CDH13: variants seen among roughly 807,000 people sequenced by gnomAD.
CDH13 encodes the protein cadherin 13, also known as cadherin-13.
In CDH13, 24 loss-of-function variants were observed where a neutral mutation model predicts 63.8. That is an observed-to-expected ratio of 0.38 (90% CI 0.27 to 0.53). The LOEUF is 0.53. Among genes scored for constraint, CDH13 ranks in the 20% least tolerant of loss-of-function variants. CDH13 has a pLI of 0.85. For missense variants in CDH13, 1,049 were observed against 903.1 expected (o/e 1.16, Z -2.07); for synonymous variants, 503 against 355.3 (o/e 1.42, Z -4.67).
chr16:83,256,076 C>T (rs1032358362), intron 5 of CDH13, among the ~76,000 whole-genome samples: 18 of 152,164 alleles, frequency 1.2e-4, no homozygotes, highest in Non-Finnish European at 4.4e-5. Flanking sequence ...TTTTGTCACC[C>T]AGGCTGAAGT....
intron 1 of CDH13, among the ~76,000 whole-genome samples, chr16:82,810,590 C>T (rs1196917336): frequency 6.6e-6 from 1 of 152,154 alleles, no homozygotes; most frequent in African/African-American, 2.4e-5. Context: ...AATTGGCTTA[C>T]TCCAGTCTGT....
chr16:83,087,270 A>G (rs1440097680), intron 3 of CDH13, among the ~76,000 whole-genome samples: 2 of 152,206 alleles, frequency 1.3e-5, no homozygotes, highest in South Asian at 2.1e-4. Flanking sequence ...TGGATGAACA[A>G]TGTTGGAAAA....
chr16:82,629,480 G>A (rs1461149452), intron 1 of CDH13, among the ~76,000 whole-genome samples: 2 of 152,166 alleles, frequency 1.3e-5, no homozygotes, highest in African/African-American at 2.4e-5. Flanking sequence ...AAAAAAGTGG[G>A]GAAAGTCTTC....
Position 83,203,844 on chromosome 16 carries a change from C to T in CDH13, c.484-13501C>T, listed in dbSNP as rs375200138. 6.6e-4 allele frequency among the ~76,000 whole-genome samples: 101 copies of T among 152,120 alleles called. No homozygotes were observed. In the South Asian group the frequency reaches 0.02, roughly 30 times the overall value. ...AGCAAGAGAGTAAGCATGTATAGTT[C>T]AACAGCATCCGAGGGCATGATTAAT... On this transcript the variant is annotated intron_variant, in intron 4 of 13. Transcript: ENST00000567109.
chr16:83,060,985 C>A (rs148156851), intron 3 of CDH13, among the ~76,000 whole-genome samples: 195 of 152,334 alleles, frequency 1.3e-3, no homozygotes, highest in African/African-American at 4.5e-3. Context: ...CACTCCTACA[C>A]TCCTGCAGAG....
intron 5 of CDH13, among the ~76,000 whole-genome samples, chr16:83,306,866 A>T (rs192324237): frequency 6.6e-6 from 1 of 152,344 alleles, no homozygotes; most frequent in Non-Finnish European, 1.5e-5. Flanking sequence ...ACCCAGTCTC[A>T]GGTATACTTA....
rs139132967 is a variant in CDH13, at chr16:82,923,368, G to A, written c.157+64895G>A. ...ACATTTGGTTTATAGTAAGGGTTCA[G>A]TACATAAGCATATTTACTGCTGTTA... is the stretch of plus-strand genomic sequence containing the variant. On this transcript the variant is annotated intron_variant, in intron 2 of 13. Coordinates refer to ENST00000567109, the MANE Select transcript of CDH13 (RefSeq NM_001257.5). 5.4e-4 allele frequency among the ~76,000 whole-genome samples: 83 copies of A among 152,322 alleles called. 1 individual carries two copies. Among genetic ancestry groups the A allele is most frequent in the African/African-American group, 1.8e-3 (74 of 41,578 alleles).
chr16:83,540,065 ATT>A (rs34129168), intron 7 of CDH13, among the ~76,000 whole-genome samples: 5,021 of 137,128 alleles, frequency 0.037, 113 homozygotes, highest in African/African-American at 0.075. Context: ...TTGTCAATAA[ATT>A]TTTTTTTTTT....
chr16:82,796,489 G>T (rs2036587877), intron 1 of CDH13, among the ~76,000 whole-genome samples: 1 of 152,176 alleles, frequency 6.6e-6, no homozygotes, highest in African/African-American at 2.4e-5. Context: ...AGGAGGACAG[G>T]GTGGACCCCA....
At position 83,132,900 on chromosome 16, in the gene CDH13, AC is replaced by A. The variant is rs2036121888; in HGVS notation, c.483+7400del. 2.0e-5 allele frequency among the ~76,000 whole-genome samples: 3 copies of A among 152,200 alleles called. No homozygotes were observed. In the South Asian group the frequency reaches 6.2e-4, roughly 32 times the overall value. ...ATTTCTACATTCAGCAGCCATAGCT[AC>A]ACATAAGCCTTTCCTATTTCCAAGT... On this transcript the variant is annotated intron_variant, in intron 4 of 13. Coordinates refer to ENST00000567109, the MANE Select transcript of CDH13 (RefSeq NM_001257.5).
At chr16:83,471,275 C>CTTT (rs34765413) in intron 6 of CDH13, among the ~76,000 whole-genome samples, 2,098 of 121,938 alleles carry the variant, frequency 0.017, 133 homozygotes, top group African/African-American at 0.033. Flanking sequence ...TCTAACCACC[C>CTTT]TTTTTTTTTT....
At chr16:83,657,825 A>G (rs1013904406) in intron 8 of CDH13, among the ~76,000 whole-genome samples, 1 of 152,040 alleles carries the variant, frequency 6.6e-6, no homozygotes, top group Non-Finnish European at 1.5e-5. Flanking sequence ...ACATGTCCTC[A>G]CCAGCAAGGT....
intron 1 of CDH13, among the ~76,000 whole-genome samples, chr16:82,802,859 G>T (rs887114476): frequency 6.6e-6 from 1 of 152,134 alleles, no homozygotes; most frequent in Middle Eastern, 3.2e-3. Context: ...AGTCACAAAG[G>T]ACTCTCTGCC....
chr16:83,061,058 C>T (rs565521419), intron 3 of CDH13, among the ~76,000 whole-genome samples: 44 of 152,272 alleles, frequency 2.9e-4, no homozygotes, highest in South Asian at 1.5e-3. Context: ...GGAATAAATA[C>T]GGGGACTAAG....
intron 2 of CDH13, among the ~76,000 whole-genome samples, chr16:82,876,272 C>A (rs1251367905): frequency 6.6e-6 from 1 of 152,154 alleles, no homozygotes; most frequent in Non-Finnish European, 1.5e-5. Context: ...GTATCTCTGC[C>A]AGACAGAAAT....
intron 4 of CDH13, among the ~76,000 whole-genome samples, chr16:83,147,376 C>G (rs1233276266): frequency 6.6e-6 from 1 of 152,184 alleles, no homozygotes; most frequent in Non-Finnish European, 1.5e-5. Flanking sequence ...TGCCTGCACC[C>G]TTGCATCTCC....
intron 1 of CDH13, among the ~76,000 whole-genome samples, chr16:82,705,745 C>T (rs1468279396): frequency 6.6e-6 from 1 of 152,152 alleles, no homozygotes; most frequent in Non-Finnish European, 1.5e-5. Flanking sequence ...AGAGGCTGTG[C>T]TTATGTCAGC....
chr16:83,238,099 G>C (rs968602790), intron 5 of CDH13, among the ~76,000 whole-genome samples: 2 of 7,158 alleles, frequency 2.8e-4, no homozygotes, highest in African/African-American at 5.7e-4. Context: ...TGGGACTGAG[G>C]AGTGGATCCC....
intron 7 of CDH13, among the ~76,000 whole-genome samples, chr16:83,496,695 A>C (rs1480188155): frequency 1.3e-5 from 2 of 152,248 alleles, no homozygotes; most frequent in Non-Finnish European, 2.9e-5. Flanking sequence ...TCTGCACAGC[A>C]AAAGAAACTA....
Sources: allele counts gnomAD v4.1 joint callset (sites outside exome capture counted in the v4.1 genomes callset), GRCh38; gene constraint gnomAD v4.1.1; transcripts MANE v1.5; gene names NCBI Gene and HGNC (gene_info 2026-07-23, HGNC 2026-07-21).